SAE1: variants seen among roughly 807,000 people sequenced by gnomAD.
SAE1 encodes SUMO1 activating enzyme subunit 1, also known as SUMO-activating enzyme subunit 1.
A neutral mutation model predicts 40.6 loss-of-function variants in SAE1; 11 were observed. The observed-to-expected ratio is 0.27, with a 90% CI of 0.17 to 0.45. The LOEUF (loss-of-function observed/expected upper bound fraction) is 0.45, where lower values mean the gene tolerates loss of function less well. Among genes scored for constraint, SAE1 ranks in the 20% least tolerant of loss-of-function variants. SAE1 has a pLI of 1.00. For synonymous variants in SAE1, 155 were observed against 154.3 expected (o/e 1.00, Z -0.03); for missense variants, 373 against 427.3 (o/e 0.87, Z 1.12).
At chr19:47,197,069 T>C (rs963075003) in intron 6 of SAE1, among the ~76,000 whole-genome samples, 164 bp from the exon 7 acceptor site, 4 of 151,780 alleles carry the variant, frequency 2.6e-5, no homozygotes, top group African/African-American at 4.8e-5. Flanking sequence ...TAGTCCTAGC[T>C]ACTCAGGAGG....
chr19:47,168,011 A>G (rs993855441), intron 5 of SAE1, among the ~76,000 whole-genome samples: 2 of 152,032 alleles, frequency 1.3e-5, no homozygotes, highest in Admixed American at 1.3e-4. Flanking sequence ...TGGGCAATAT[A>G]GTGAAATCCT....
intron 6 of SAE1, among the ~76,000 whole-genome samples, chr19:47,172,926 T>C (rs993379783): frequency 6.6e-6 from 1 of 152,154 alleles, no homozygotes; most frequent in African/African-American, 2.4e-5. Context: ...GAGGGGAATC[T>C]GAGGCTCAGG....
intron 8 of SAE1, among the ~76,000 whole-genome samples, chr19:47,204,564 T>C (rs1423410040): frequency 7.4e-6 from 1 of 135,586 alleles, no homozygotes; most frequent in Non-Finnish European, 1.5e-5. Flanking sequence ...TGGAGTGCAG[T>C]GGCATGATCT....
chr19:47,185,999 G>A (rs568326716), intron 6 of SAE1, among the ~76,000 whole-genome samples: 2 of 151,778 alleles, frequency 1.3e-5, no homozygotes, highest in African/African-American at 4.8e-5. Context: ...CAGCACTTTG[G>A]GAGGCCTAGG....
intron 5 of SAE1, among the ~76,000 whole-genome samples, chr19:47,167,724 G>C (rs1349252199): frequency 2.0e-5 from 3 of 152,028 alleles, no homozygotes; most frequent in African/African-American, 7.2e-5. Context: ...AGACACCTCT[G>C]TAAGTTTGAA....
chr19:47,192,677 A>AT (rs1450532113), intron 6 of SAE1, among the ~76,000 whole-genome samples: 1 of 151,548 alleles, frequency 6.6e-6, no homozygotes, highest in Non-Finnish European at 1.5e-5. Context: ...CAAGTACTTG[A>AT]TTATAGGCAC....
At chr19:47,151,966 A>G (rs907724096) in intron 3 of SAE1, among the ~76,000 whole-genome samples, 1 of 152,190 alleles carries the variant, frequency 6.6e-6, no homozygotes, top group Non-Finnish European at 1.5e-5. Context: ...AATTGGTTGC[A>G]TGTTCACCTG....
intron 4 of SAE1, among the ~76,000 whole-genome samples, chr19:47,154,834 T>G (rs981944975): frequency 6.6e-6 from 1 of 152,176 alleles, no homozygotes; most frequent in African/African-American, 2.4e-5. Context: ...GTAGAGTGTT[T>G]ACAAAGTAAT....
At chr19:47,139,346 C>T (rs777782267) in intron 1 of SAE1, among the ~76,000 whole-genome samples, 19 of 151,766 alleles carry the variant, frequency 1.3e-4, no homozygotes, top group Non-Finnish European at 2.5e-4. Context: ...CTGGCACACC[C>T]AGCTAATTTT....
At chr19:47,132,668 C>T (rs2058153523) in intron 1 of SAE1, among the ~76,000 whole-genome samples, 1 of 151,938 alleles carries the variant, frequency 6.6e-6, no homozygotes, top group African/African-American at 2.4e-5. Context: ...GAGGGGACCT[C>T]TTGAGCCCAG....
At chr19:47,200,616 C>T (rs537732735) in intron 7 of SAE1, among the ~76,000 whole-genome samples, 25 of 152,234 alleles carry the variant, frequency 1.6e-4, no homozygotes, top group African/African-American at 5.8e-4. Flanking sequence ...TCAAGCCATC[C>T]TTCTGCCTTG....
Position 47,203,756 on chromosome 19 carries a change from G to A in SAE1, c.948+16G>A. ...AATTGTGAAGGTAAAACATCACTGT[G>A]GAGCAGAAAATTGTTAACCATGACT... On this transcript the variant is annotated intron_variant, in intron 8 of 8. Transcript: ENST00000270225. 1 of 1,609,830 alleles carries A rather than the reference G, an allele frequency of 6.2e-7. No individual in the cohort carries two copies. Among genetic ancestry groups the A allele is most frequent in the Admixed American group, 1.7e-5 (1 of 59,988 alleles).
chr19:47,150,590 T>G (rs2058282119), intron 3 of SAE1, among the ~76,000 whole-genome samples: 1 of 152,200 alleles, frequency 6.6e-6, no homozygotes, highest in African/African-American at 2.4e-5. Context: ...GCTGTAGTTG[T>G]TGGTGACTTG....
intron 6 of SAE1, among the ~76,000 whole-genome samples, chr19:47,173,786 CTTT>C (rs749843235): frequency 2.8e-5 from 4 of 141,004 alleles, no homozygotes; most frequent in Admixed American, 7.1e-5. Context: ...TCTTTCTTTT[CTTT>C]TTTTTTTTTT....
chr19:47,199,100 C>G (rs1483320851), intron 7 of SAE1, among the ~76,000 whole-genome samples: 1 of 149,620 alleles, frequency 6.7e-6, no homozygotes, highest in East Asian at 2.0e-4. Flanking sequence ...ATACATATAG[C>G]GTAAGGCTGG....
At chr19:47,182,809 G>A (rs1477331359) in intron 6 of SAE1, among the ~76,000 whole-genome samples, 1 of 152,154 alleles carries the variant, frequency 6.6e-6, no homozygotes, top group Non-Finnish European at 1.5e-5. Flanking sequence ...CAGGCGGGGT[G>A]TGGTGGCTCA....
intron 2 of SAE1, among the ~76,000 whole-genome samples, chr19:47,146,910 G>A (rs946189979): frequency 6.6e-6 from 1 of 152,138 alleles, no homozygotes; most frequent in Non-Finnish European, 1.5e-5. Flanking sequence ...GAAAACGGCT[G>A]GTGGGCAGTA....
chr19:47,167,599 C>T (rs976235729), intron 5 of SAE1, among the ~76,000 whole-genome samples: 1 of 152,100 alleles, frequency 6.6e-6, no homozygotes, highest in Non-Finnish European at 1.5e-5. Context: ...TTGTAAACTG[C>T]CTGGTAACTG....
intron 1 of SAE1, among the ~76,000 whole-genome samples, chr19:47,137,725 GTGT>G (rs1198591551): frequency 2.1e-5 from 2 of 97,080 alleles, no homozygotes; most frequent in African/African-American, 6.8e-5. Context: ...GTGTGTGTGT[GTGT>G]TGTTTTTTTT....
Sources: gnomAD v4.1 joint callset for allele counts (sites outside exome capture counted in the v4.1 genomes callset) on GRCh38, gnomAD v4.1.1 for gene constraint, MANE v1.5 for transcripts, NCBI Gene and HGNC (gene_info 2026-07-23, HGNC 2026-07-21) for gene names.